The following GARIN1A variants were observed in gnomAD, a reference collection of about 807,000 sequenced individuals.
GARIN1A encodes the protein Golgi-associated RAB2 interactor protein 1A.
At chr7:128,683,203 A>G in the GARIN1A span, 8 of 1,432,114 alleles carry the variant, frequency 5.6e-6, no homozygotes, top group South Asian at 1.3e-5. Flanking sequence ...TGTACTTGCT[A>G]CCACCTCTTA....
the GARIN1A span, among the ~76,000 whole-genome samples, chr7:128,704,631 T>C: frequency 1.3e-5 from 2 of 152,174 alleles, no homozygotes; most frequent in Non-Finnish European, 2.9e-5. Flanking sequence ...GCGTGCAACC[T>C]AGATCACTCA....
At chr7:128,703,237 T>G in the GARIN1A span, among the ~76,000 whole-genome samples, 6 of 152,248 alleles carry the variant, frequency 3.9e-5, no homozygotes, top group Admixed American at 3.3e-4. Context: ...AGTAGTACAA[T>G]GCACTTTCTT....
At chr7:128,706,061 T>C in the GARIN1A span, among the ~76,000 whole-genome samples, 1 of 152,026 alleles carries the variant, frequency 6.6e-6, no homozygotes, top group Non-Finnish European at 1.5e-5. Flanking sequence ...TCAGTATGAC[T>C]CATAGGTTCC....
the GARIN1A span, chr7:128,683,171 A>G: frequency 6.3e-7 from 1 of 1,594,014 alleles, no homozygotes; most frequent in Non-Finnish European, 8.6e-7. Context: ...ACCTAGGCAA[A>G]ACATGCTCTT....
chr7:128,676,278 G>C, the GARIN1A span, among the ~76,000 whole-genome samples: 1 of 139,222 alleles, frequency 7.2e-6, no homozygotes, highest in Non-Finnish European at 1.6e-5. Flanking sequence ...CCAAAGTGCT[G>C]GGATTACAGG....
chr7:128,680,736 T>C, the GARIN1A span, among the ~76,000 whole-genome samples: 11 of 152,216 alleles, frequency 7.2e-5, no homozygotes, highest in African/African-American at 2.2e-4. Context: ...GGCTAATTTT[T>C]TGTTATTTTT....
chr7:128,688,634 T>A, the GARIN1A span, among the ~76,000 whole-genome samples: 1 of 152,140 alleles, frequency 6.6e-6, no homozygotes, highest in East Asian at 1.9e-4. Context: ...CATGTAGAGT[T>A]GTGTGATCTT....
chr7:128,683,172 A>C, the GARIN1A span: 1 of 1,592,692 alleles, frequency 6.3e-7, no homozygotes, highest in Non-Finnish European at 8.6e-7. Context: ...CCTAGGCAAA[A>C]CATGCTCTTC....
the GARIN1A span, among the ~76,000 whole-genome samples, chr7:128,704,449 C>T: frequency 6.6e-6 from 1 of 152,070 alleles, no homozygotes; most frequent in Non-Finnish European, 1.5e-5. Flanking sequence ...GGATTACAGG[C>T]ATGTGCCACC....
chr7:128,672,063 T>C, the GARIN1A span, among the ~76,000 whole-genome samples: 3 of 152,140 alleles, frequency 2.0e-5, no homozygotes, highest in Non-Finnish European at 4.4e-5. Flanking sequence ...GGAGGGTCAT[T>C]TTTTCCATGT....
the GARIN1A span, chr7:128,684,532 C>T: frequency 1.4e-5 from 2 of 142,832 alleles, no homozygotes; most frequent in African/African-American, 5.2e-5. Flanking sequence ...AGGAGAATTG[C>T]TTGAACCAGG....
At chr7:128,704,356 G>A in the GARIN1A span, among the ~76,000 whole-genome samples, 1 of 151,052 alleles carries the variant, frequency 6.6e-6, no homozygotes, top group African/African-American at 2.4e-5. Flanking sequence ...CTAGGCTGGA[G>A]TGCAGTGGCA....
At chr7:128,672,544 T>C in the GARIN1A span, 2 of 1,608,324 alleles carry the variant, frequency 1.2e-6, no homozygotes. Flanking sequence ...AAAGCAACTT[T>C]ATCCAGGTAC....
the GARIN1A span, among the ~76,000 whole-genome samples, chr7:128,694,196 TA>T: frequency 0.16 from 23,808 of 152,122 alleles, 2,270 homozygotes; most frequent in African/African-American, 0.26. Context: ...TGCTGCACTG[TA>T]GAATTGTTAG....
chr7:128,677,519 A>AAAAAAG, the GARIN1A span: 2 of 1,472,980 alleles, frequency 1.4e-6, no homozygotes, highest in Non-Finnish European at 1.8e-6. Context: ...AAAAAAAAAA[A>AAAAAAG]AGAAACCACG....
chr7:128,674,080 A>C, the GARIN1A span, among the ~76,000 whole-genome samples: 1 of 152,018 alleles, frequency 6.6e-6, no homozygotes, highest in Non-Finnish European at 1.5e-5. Flanking sequence ...GTTTTAGTAG[A>C]GATGGGGTTT....
the GARIN1A span, among the ~76,000 whole-genome samples, chr7:128,689,823 G>A: frequency 5.3e-5 from 8 of 150,566 alleles, no homozygotes; most frequent in East Asian, 1.0e-3. Context: ...CGCCCCGTCC[G>A]GGAGGTGGGG....
chr7:128,683,192 G>A, the GARIN1A span: 32 of 1,507,164 alleles, frequency 2.1e-5, no homozygotes, highest in South Asian at 2.6e-4. Flanking sequence ...CCTTGCATAC[G>A]TGTACTTGCT....
At chr7:128,699,260 G>GCC in the GARIN1A span, among the ~76,000 whole-genome samples, 1,126 of 104,464 alleles carry the variant, frequency 0.011, 70 homozygotes, top group African/African-American at 0.016. Flanking sequence ...CATACCTGCT[G>GCC]CCCCCCCCCC....
Sources: allele counts gnomAD v4.1 joint callset (sites outside exome capture counted in the v4.1 genomes callset), GRCh38; gene constraint gnomAD v4.1.1; transcripts MANE v1.5; gene names NCBI Gene and HGNC (gene_info 2026-07-23, HGNC 2026-07-21).